Variants in EED observed in about 807,000 individuals in gnomAD.
EED encodes the protein embryonic ectoderm development.
In EED, 9 loss-of-function variants were observed where a neutral mutation model predicts 61.0. The observed-to-expected ratio is 0.15, with a 90% confidence interval of 0.09 to 0.26. The LOEUF (loss-of-function observed/expected upper bound fraction) is 0.26. EED is among the 10% of genes least tolerant of loss of function. The pLI, the probability that EED is intolerant of heterozygous loss-of-function variation, is 1.00. For synonymous variants in EED, 187 were observed against 174.4 expected, an observed-to-expected ratio of 1.07 and a Z score of -0.57; for missense variants, 315 against 542.3, an observed-to-expected ratio of 0.58 and a Z score of 4.16.
the EED span, among the ~76,000 whole-genome samples, chr11:86,285,460 G>T: frequency 1.3e-5 from 2 of 152,010 alleles, no homozygotes; most frequent in African/African-American, 4.8e-5. Context: ...TTAGGTTAAA[G>T]GTACTAACTA....
At chr11:86,246,513 T>C (rs1945396111) in intron 1 of EED, among the ~76,000 whole-genome samples, 2 of 152,166 alleles carry the variant, frequency 1.3e-5, no homozygotes, top group Non-Finnish European at 2.9e-5. Context: ...ACGGAAAAGA[T>C]GGGAAAGGAT....
intron 6 of EED, among the ~76,000 whole-genome samples, chr11:86,263,793 A>G (rs911617962): frequency 2.6e-5 from 4 of 152,192 alleles, no homozygotes; most frequent in African/African-American, 7.2e-5. Context: ...CGTCTCAGCA[A>G]AAGGGCAGGA....
chr11:86,245,038 T>C lies in EED; in HGVS notation c.-192T>C. On this transcript the variant is annotated 5_prime_UTR_variant, in exon 1 of 12. Transcript: ENST00000263360. ...GCGGGAGGGCGCGCGCGCGCGCCCC[T>C]TTTTCAGCAGTGTGGCGGGGTCGCA... 2.1e-6 allele frequency: 1 copy of C among 485,452 alleles called. No individual in the cohort carries two copies. The highest frequency in any genetic ancestry group is 3.7e-5 in the East Asian group (1 of 26,690). The allele number at this position is 485,452 out of a possible 1,614,324, so 30.1% of individuals were successfully genotyped here.
At chr11:86,279,123 A>G (rs1946293635), downstream of EED, among the ~76,000 whole-genome samples, 2 of 152,220 alleles carry the variant, frequency 1.3e-5, no homozygotes, top group South Asian at 2.1e-4. Flanking sequence ...ATATTTTTTA[A>G]TGATTTCTTA....
chr11:86,245,404 C>T, intron 1 of EED, 61 bp downstream of exon 1: 1 of 1,336,294 alleles, frequency 7.5e-7, no homozygotes, highest in Non-Finnish European at 1.0e-6. Flanking sequence ...TCTTTTAAAA[C>T]GGGGGGCGCG....
At chr11:86,278,071 A>G (rs1301928315) in intron 11 of EED, 80 bp downstream of exon 11, 2 of 1,398,758 alleles carry the variant, frequency 1.4e-6, no homozygotes, top group African/African-American at 3.0e-5. Flanking sequence ...GATCATTTAT[A>G]TTTGCAGTGC....
chr11:86,250,656 T>G (rs1036988073), intron 2 of EED, among the ~76,000 whole-genome samples: 5 of 152,172 alleles, frequency 3.3e-5, no homozygotes, highest in African/African-American at 1.2e-4. Flanking sequence ...TTTTTTGTTG[T>G]TTTAATTTAA....
chr11:86,271,425 C>G (rs1946108861), intron 9 of EED, among the ~76,000 whole-genome samples: 1 of 152,066 alleles, frequency 6.6e-6, no homozygotes, highest in Admixed American at 6.5e-5. Flanking sequence ...TTGTGATTTT[C>G]TCTGTAGACT....
At chr11:86,253,821 G>C (rs1276939362) in intron 3 of EED, among the ~76,000 whole-genome samples, 3 of 152,072 alleles carry the variant, frequency 2.0e-5, no homozygotes, top group Non-Finnish European at 2.9e-5. Context: ...GCTGAGGCAG[G>C]TGGATCACCT....
At chr11:86,263,390 G>C (rs1945889451) in intron 6 of EED, among the ~76,000 whole-genome samples, 1 of 152,102 alleles carries the variant, frequency 6.6e-6, no homozygotes, top group Non-Finnish European at 1.5e-5. Flanking sequence ...CAGTTCCAAA[G>C]TCATTTCCAC....
chr11:86,257,117 A>T (rs1157309799), intron 5 of EED, among the ~76,000 whole-genome samples: 2 of 151,386 alleles, frequency 1.3e-5, no homozygotes, highest in Non-Finnish European at 2.9e-5. Flanking sequence ...AGCTCACTGC[A>T]GCCCGTCTCC....
In EED at chr11:86,254,708, C is replaced by T. The variant is rs185854409; in HGVS notation, c.361-514C>T. ...TGCAATCTCGGCTCACTGCAACCTCCGCCTCCCGGGTTCAAGTGATTCACC... is the reference window on the plus strand; with the variant it reads ...TGCAATCTCGGCTCACTGCAACCTCTGCCTCCCGGGTTCAAGTGATTCACC... On this transcript the variant is annotated intron_variant, in intron 3 of 11. Transcript: ENST00000263360. Among the ~76,000 whole-genome samples, 1,015 of 150,600 alleles carry T rather than the reference C, an allele frequency of 6.7e-3. 7 individuals are homozygous for T. Among genetic ancestry groups the T allele is most frequent in the African/African-American group, 0.023 (955 of 40,940 alleles).
chr11:86,254,615 G>A (rs1364029535), intron 3 of EED, among the ~76,000 whole-genome samples: 8 of 150,688 alleles, frequency 5.3e-5, no homozygotes, highest in East Asian at 1.9e-4. Flanking sequence ...CACTGTGTCC[G>A]GACTTATTTT....
chr11:86,280,914 A>G (rs187940421), downstream of EED, among the ~76,000 whole-genome samples: 17 of 152,266 alleles, frequency 1.1e-4, no homozygotes, highest in East Asian at 5.8e-4. Context: ...TTCTGCCTCT[A>G]TTGTGATAAT....
At chr11:86,263,941 G>A in intron 6 of EED, 1 of 494,444 alleles carries the variant, frequency 2.0e-6, no homozygotes, top group Non-Finnish European at 3.6e-6. Flanking sequence ...ATTGCATTGG[G>A]GATTGAGTTT....
intron 9 of EED, chr11:86,276,617 A>G (rs1011275895): frequency 3.2e-5 from 5 of 157,878 alleles, no homozygotes; most frequent in African/African-American, 1.2e-4. Flanking sequence ...CTGAAAAGCC[A>G]TGTATTCTAA....
chr11:86,263,340 A>G (rs1219398500), intron 6 of EED, among the ~76,000 whole-genome samples: 2 of 152,158 alleles, frequency 1.3e-5, no homozygotes, highest in Admixed American at 1.3e-4. Context: ...GGCTTTTTCT[A>G]GCCTGCTCCT....
downstream of EED, among the ~76,000 whole-genome samples, chr11:86,280,159 C>T (rs183006325): frequency 5.3e-5 from 8 of 152,216 alleles, no homozygotes; most frequent in South Asian, 2.1e-4. Context: ...CGGTCTCAGA[C>T]GTCTCACTGC....
chr11:86,276,774 C>G (rs1393488983), intron 9 of EED: 1 of 376,598 alleles, frequency 2.7e-6, no homozygotes, highest in Non-Finnish European at 4.7e-6. Context: ...TTTGTATTAT[C>G]GAATTCTGTT....
Sources: gnomAD v4.1 joint callset for allele counts (sites outside exome capture counted in the v4.1 genomes callset) on GRCh38, gnomAD v4.1.1 for gene constraint, MANE v1.5 for transcripts, NCBI Gene and HGNC (gene_info 2026-07-23, HGNC 2026-07-21) for gene names.